Variants in DOCK4 observed in about 807,000 individuals in gnomAD.
The protein encoded by DOCK4 is dedicator of cytokinesis protein 4.
DOCK4 carries 97 observed loss-of-function variants against 268.1 expected under a neutral mutation model. That is an observed-to-expected ratio of 0.36 (90% CI 0.31 to 0.43). The LOEUF (loss-of-function observed/expected upper bound fraction) is 0.43. Ranked by LOEUF, DOCK4 falls within the 20% of genes least tolerant of loss-of-function variation. The pLI is 1.00. For synonymous variants in DOCK4, 954 were observed against 887.2 expected (o/e 1.08, Z -1.34); for missense variants, 2,145 against 2,455.7 (o/e 0.87, Z 2.67).
chr7:111,799,165 A>G (rs2133847551), intron 30 of DOCK4, among the ~76,000 whole-genome samples: 1 of 152,354 alleles, frequency 6.6e-6, no homozygotes. Context: ...TCAAGGGCAT[A>G]CTTTCCAGCC....
chr7:111,920,717 G>A (rs975349078), intron 12 of DOCK4, among the ~76,000 whole-genome samples: 2 of 151,980 alleles, frequency 1.3e-5, no homozygotes, highest in African/African-American at 4.8e-5. Flanking sequence ...TGGGATTTAA[G>A]GATGTATATT....
At chr7:112,042,786 A>G (rs1157577452) in intron 1 of DOCK4, among the ~76,000 whole-genome samples, 1 of 152,176 alleles carries the variant, frequency 6.6e-6, no homozygotes, top group African/African-American at 2.4e-5. Flanking sequence ...GATTGCCATC[A>G]TGGCACGGTT....
Position 111,741,229 on chromosome 7 carries a change from A to C in DOCK4, c.4920-15T>G, listed in dbSNP as rs1000983969. The C allele has an allele frequency of 2.5e-6, 4 of 1,612,590 alleles. No individual in the cohort carries two copies. The highest frequency in any genetic ancestry group is 3.4e-6 in the Non-Finnish European group (4 of 1,179,578). ...AACTTAACGGGCTGTTTCAGGGGGA[A>C]AAAAAAGGTCATTAACTCAGTCTCC... On this transcript the variant is annotated splice_polypyrimidine_tract_variant and intron_variant, in intron 46 of 52. Coordinates refer to ENST00000428084, the MANE Select transcript of DOCK4 (RefSeq NM_001363540.2).
chr7:111,954,937 T>C (rs181829018), intron 8 of DOCK4, among the ~76,000 whole-genome samples: 234 of 152,306 alleles, frequency 1.5e-3, no homozygotes, highest in African/African-American at 5.3e-3. Flanking sequence ...GAGATCCTGA[T>C]TGACTGGGTC....
intron 1 of DOCK4, among the ~76,000 whole-genome samples, chr7:112,018,687 C>T (rs149772334): frequency 6.6e-6 from 1 of 151,938 alleles, no homozygotes; most frequent in East Asian, 1.9e-4. Context: ...TCCCTACATC[C>T]CCCTCCCCCA....
chr7:111,824,311 T>C (rs1344590932), intron 26 of DOCK4, among the ~76,000 whole-genome samples: 1 of 152,128 alleles, frequency 6.6e-6, no homozygotes, highest in Non-Finnish European at 1.5e-5. Context: ...TGTATATATA[T>C]TATATATAAT....
intron 26 of DOCK4, among the ~76,000 whole-genome samples, chr7:111,822,746 G>T (rs570031643): frequency 6.6e-6 from 1 of 152,314 alleles, no homozygotes; most frequent in South Asian, 2.1e-4. Context: ...TGGAAAACTT[G>T]TAACAGAAGA....
rs914500334 is a variant in DOCK4 at position 111,935,360 on chromosome 7, A to G, written c.1066+180T>C. ...TAGAATACATTTTTTATAGGGAGTT[A>G]TAAGTACAACCCTATCATAGCATAG... On this transcript the variant is annotated intron_variant, in intron 12 of 52. Coordinates refer to ENST00000428084, the MANE Select transcript of DOCK4 (RefSeq NM_001363540.2). The G allele has an allele frequency of 8.9e-6, 6 of 677,066 alleles. No homozygotes were observed. The African/African-American group carries it at 1.1e-4, about 12-fold the overall frequency. The allele number at this position is 677,066 out of a possible 1,614,324, so 41.9% of individuals were successfully genotyped here. A position where few individuals can be genotyped will look rare whatever the true frequency, so the allele number is the denominator to read the frequency against.
rs558075474 is a variant in DOCK4 at position 112,122,646 on chromosome 7, C to A, written c.37+83456G>T. On this transcript the variant is annotated intron_variant, in intron 1 of 52. Coordinates refer to ENST00000428084, the MANE Select transcript of DOCK4 (RefSeq NM_001363540.2). ...TGAGTTTTAACCCTCTAGTGTTTAG[C>A]CCAAGTGCATTTATTGAGAGGATGA... is the stretch of plus-strand genomic sequence containing the variant. 5.3e-4 allele frequency among the ~76,000 whole-genome samples: 81 copies of A among 152,214 alleles called. 3 individuals are homozygous for A. In the South Asian group the frequency reaches 0.017, roughly 32 times the overall value.
At chr7:111,780,663 A>G (rs924759528) in intron 35 of DOCK4, among the ~76,000 whole-genome samples, 1 of 152,230 alleles carries the variant, frequency 6.6e-6, no homozygotes, top group African/African-American at 2.4e-5. Context: ...TTTAAAACCA[A>G]TTTAACCCCG....
intron 39 of DOCK4, among the ~76,000 whole-genome samples, chr7:111,762,333 A>T (rs1382455826): frequency 6.6e-6 from 1 of 152,184 alleles, no homozygotes; most frequent in Non-Finnish European, 1.5e-5. Flanking sequence ...TCTTTTCATC[A>T]TGTCAAAAAG....
rs1214818257 is a variant in DOCK4, at chr7:111,868,079, C to T, written c.2185G>A (p.Glu729Lys). 3.1e-6 allele frequency: 5 copies of T among 1,613,590 alleles called. No homozygotes were observed. The African/African-American group carries it at 5.3e-5, about 17-fold the overall frequency. ...FSLATGGQNEEEFRCCIQELL... is the reference protein window; with the variant it reads ...FSLATGGQNEKEFRCCIQELL... ...TCCTGAATGCAGCAGCGGAACTCCTCTTCGTTTTGCCCACCAGTGGCAAGG... is the reference window on the plus strand; with the variant it reads ...TCCTGAATGCAGCAGCGGAACTCCTTTTCGTTTTGCCCACCAGTGGCAAGG... The change falls in exon 22 of 53, where the codon GAG becomes AAG. Residue 729 changes from glutamate (E) to lysine (K), a missense_variant. Physicochemically the swap from Glu to Lys is moderately conservative, Grantham distance 56. Around this residue, in one of 2 missense-constraint regions of DOCK4, gnomAD observed 1,598 missense variants for 1,986.7 expected, o/e 0.80. Transcript: ENST00000428084.
intron 13 of DOCK4, among the ~76,000 whole-genome samples, chr7:111,902,915 G>A (rs1791263780): frequency 6.6e-6 from 1 of 152,106 alleles, no homozygotes; most frequent in Non-Finnish European, 1.5e-5. Context: ...GACTACAGGT[G>A]CGTGCCACCA....
chr7:111,811,950 CTA>C lies in DOCK4; in HGVS notation c.2931-3_2931-2del. On this transcript the variant is annotated splice_acceptor_variant and splice_polypyrimidine_tract_variant and intron_variant, in intron 27 of 52. Coordinates refer to ENST00000428084, the MANE Select transcript of DOCK4 (RefSeq NM_001363540.2). LOFTEE classifies it high-confidence loss of function. ...GTATAGAACTGTTGTAATAATAACA[CTA>C]GTGATAAAAAAAATGACAAGGTGAA... The C allele has an allele frequency of 6.8e-7, 1 of 1,471,870 alleles. No individual in the cohort carries two copies. Among genetic ancestry groups the C allele is most frequent in the Non-Finnish European group, 9.2e-7 (1 of 1,089,708 alleles). 91.2% of individuals were successfully genotyped at this position (1,471,870 alleles called of 1,614,324 possible). A position where few individuals can be genotyped will look rare whatever the true frequency, so the allele number is the denominator to read the frequency against.
rs1322479678 is a variant in DOCK4, at chr7:111,847,132, G to C, written c.2474-6C>G. The C allele has an allele frequency of 6.2e-7, 1 of 1,613,560 alleles. No homozygotes were observed. The highest frequency in any genetic ancestry group is 2.2e-5 in the East Asian group (1 of 44,866). On this transcript the variant is annotated splice_region_variant and splice_polypyrimidine_tract_variant and intron_variant, in intron 23 of 52. Coordinates refer to ENST00000428084, the MANE Select transcript of DOCK4 (RefSeq NM_001363540.2). ...CAGAAGAATGTATCGGGAATCTGAAGAGAGAAGAGTCATTAGTGTCACATC... is the reference window on the plus strand; with the variant it reads ...CAGAAGAATGTATCGGGAATCTGAACAGAGAAGAGTCATTAGTGTCACATC...
intron 25 of DOCK4, among the ~76,000 whole-genome samples, chr7:111,841,621 ATG>A (rs1259385881): frequency 6.6e-6 from 1 of 152,168 alleles, no homozygotes; most frequent in African/African-American, 2.4e-5. Flanking sequence ...CAAATAATTT[ATG>A]TGTGTGTTTC....
chr7:111,816,409 G>A lies in DOCK4; in HGVS notation c.2931-4460C>T, dbSNP rs372340779. 2.2e-3 allele frequency among the ~76,000 whole-genome samples: 331 copies of A among 152,298 alleles called. 14 individuals carry two copies. The South Asian group carries it at 0.065, about 30-fold the overall frequency. ...AAGACATTTTGGGGAGATGAAATTC[G>A]TGGATAACCAATGTGGGAATGCATC... is the stretch of plus-strand genomic sequence containing the variant. On this transcript the variant is annotated intron_variant, in intron 27 of 52. Coordinates refer to ENST00000428084, the MANE Select transcript of DOCK4 (RefSeq NM_001363540.2).
rs1042549077 is a variant in DOCK4 at position 111,872,105 on chromosome 7, T to C, written c.1927-15A>G. 1.1e-5 allele frequency: 16 copies of C among 1,514,360 alleles called. No individual in the cohort carries two copies. In the African/African-American group the frequency reaches 2.2e-4, roughly 21 times the overall value. 93.8% of individuals were successfully genotyped at this position (1,514,360 alleles called of 1,614,324 possible). A position where few individuals can be genotyped will look rare whatever the true frequency, so the allele number is the denominator to read the frequency against. ...ATTATGTGAACCTAAAAAAAGAAAA[T>C]TGAGCTTTATAAAACTAAATGCAAA... On this transcript the variant is annotated splice_polypyrimidine_tract_variant and intron_variant, in intron 19 of 52. Coordinates refer to ENST00000428084, the MANE Select transcript of DOCK4 (RefSeq NM_001363540.2).
intron 27 of DOCK4, 76 bp downstream of exon 27, chr7:111,822,286 A>C (rs543501881): frequency 7.7e-7 from 1 of 1,290,426 alleles, no homozygotes; most frequent in East Asian, 2.5e-5. Context: ...CTTGAGATCA[A>C]ATGAAAAAGA....
Sources: allele counts gnomAD v4.1 joint callset (sites outside exome capture counted in the v4.1 genomes callset), GRCh38; gene constraint gnomAD v4.1.1; regional missense constraint gnomAD v4.1.1; transcripts MANE v1.5; gene names NCBI Gene and HGNC (gene_info 2026-07-23, HGNC 2026-07-21).